CTNNA2: variants seen among roughly 807,000 people sequenced by gnomAD.
CTNNA2 encodes the protein catenin alpha-2.
In CTNNA2, 42 loss-of-function variants were observed where a neutral mutation model predicts 101.0. The observed-to-expected ratio is 0.42, with a 90% CI of 0.32 to 0.54. The LOEUF is 0.54. Ranked by LOEUF, CTNNA2 falls within the 20% of genes least tolerant of loss-of-function variation. The probability of loss-of-function intolerance (pLI) is 0.14; values close to 1 mark genes in which losing one functional copy is unlikely to be tolerated. For missense variants in CTNNA2, 871 were observed against 1,223.1 expected (o/e 0.71, Z 4.29); for synonymous variants, 450 against 456.4 (o/e 0.99, Z 0.18).
intron 12 of CTNNA2, among the ~76,000 whole-genome samples, chr2:80,565,645 A>ACTT: frequency 6.6e-6 from 1 of 151,960 alleles, no homozygotes; most frequent in Non-Finnish European, 1.5e-5. Context: ...TGGTGTGAAG[A>ACTT]CAGCCCCAAG....
At chr2:79,610,124 C>T (rs62140088) in intron 1 of CTNNA2, among the ~76,000 whole-genome samples, 19,636 of 151,962 alleles carry the variant, frequency 0.13, 2,081 homozygotes, top group African/African-American at 0.3. Context: ...TAAATAGCAT[C>T]TATCAAAGAA....
chr2:79,564,115 G>A (rs1244562166), intron 1 of CTNNA2, among the ~76,000 whole-genome samples: 1 of 152,102 alleles, frequency 6.6e-6, no homozygotes, highest in Non-Finnish European at 1.5e-5. Flanking sequence ...TACCAAAATA[G>A]GAATGCAGCT....
At chr2:79,916,305 C>A (rs75940863) in intron 7 of CTNNA2, among the ~76,000 whole-genome samples, 2,437 of 152,210 alleles carry the variant, frequency 0.016, 173 homozygotes, top group Admixed American at 0.12. Flanking sequence ...TAGCTTCATT[C>A]AAGGGGAAGA....
intron 7 of CTNNA2, among the ~76,000 whole-genome samples, chr2:80,214,770 C>T (rs1330937178): frequency 1.3e-5 from 2 of 152,012 alleles, no homozygotes; most frequent in Non-Finnish European, 2.9e-5. Context: ...ATCTTTGTGG[C>T]GTTCTCTGTA....
At chr2:80,376,156 T>C (rs1675931756) in intron 7 of CTNNA2, among the ~76,000 whole-genome samples, 1 of 152,164 alleles carries the variant, frequency 6.6e-6, no homozygotes. Flanking sequence ...TCCCCTCAGT[T>C]TTTTGTTTAG....
chr2:80,632,312 G>A (rs993467542), intron 18 of CTNNA2, among the ~76,000 whole-genome samples: 7 of 151,238 alleles, frequency 4.6e-5, no homozygotes, highest in African/African-American at 1.7e-4. Flanking sequence ...GGAGGACAAT[G>A]CAGTAAATAA....
At chr2:79,432,825 T>C (rs986350740) in intron 4 of CTNNA2, among the ~76,000 whole-genome samples, 1 of 152,256 alleles carries the variant, frequency 6.6e-6, no homozygotes, top group Non-Finnish European at 1.5e-5. Context: ...TTTTTTGTAC[T>C]TTCATCTACT....
intron 2 of CTNNA2, among the ~76,000 whole-genome samples, chr2:79,654,764 A>G (rs1398267324): frequency 2.0e-5 from 3 of 151,926 alleles, no homozygotes; most frequent in African/African-American, 7.3e-5. Flanking sequence ...TTCAGTCATG[A>G]CTCTTGTTAG....
chr2:79,546,349 A>G (rs1673729702), intron 1 of CTNNA2, among the ~76,000 whole-genome samples: 1 of 152,180 alleles, frequency 6.6e-6, no homozygotes, highest in South Asian at 2.1e-4. Flanking sequence ...AACCTAAAAC[A>G]GGTTAGAATT....
At chr2:80,483,368 TTATATA>T (rs10635965) in intron 9 of CTNNA2, among the ~76,000 whole-genome samples, 1 of 146,096 alleles carries the variant, frequency 6.8e-6, no homozygotes. Flanking sequence ...TGTTGTTGTT[TTATATA>T]TATATATATA....
intron 4 of CTNNA2, among the ~76,000 whole-genome samples, chr2:79,451,407 T>C (rs541228343): frequency 6.6e-6 from 1 of 152,134 alleles, no homozygotes; most frequent in Non-Finnish European, 1.5e-5. Context: ...CAATGTGTTA[T>C]GAGCAGTCAT....
intron 1 of CTNNA2, among the ~76,000 whole-genome samples, chr2:79,564,212 T>C (rs1674966965): frequency 1.3e-5 from 2 of 151,908 alleles, no homozygotes; most frequent in Non-Finnish European, 2.9e-5. Context: ...ATTGTTTTTG[T>C]TATATACTTT....
chr2:80,608,892 C>T (rs1330140736), intron 17 of CTNNA2, among the ~76,000 whole-genome samples: 1 of 151,830 alleles, frequency 6.6e-6, no homozygotes, highest in Non-Finnish European at 1.5e-5. Flanking sequence ...TGCTCAATCA[C>T]TGCAGTGTTT....
chr2:80,053,298 A>G (rs1696996244), intron 7 of CTNNA2, among the ~76,000 whole-genome samples: 2 of 152,176 alleles, frequency 1.3e-5, no homozygotes, highest in South Asian at 4.1e-4. Flanking sequence ...GATATGTTCA[A>G]AAAGTGGCCC....
chr2:80,055,053 G>T (rs1373821877), intron 7 of CTNNA2, among the ~76,000 whole-genome samples: 3 of 152,010 alleles, frequency 2.0e-5, no homozygotes, highest in East Asian at 3.9e-4. Flanking sequence ...TCGAGACAAG[G>T]TCTCACTCTG....
At chr2:80,339,842 G>C (rs1279219875) in intron 7 of CTNNA2, among the ~76,000 whole-genome samples, 1 of 152,174 alleles carries the variant, frequency 6.6e-6, no homozygotes, top group African/African-American at 2.4e-5. Flanking sequence ...ATTTGGTTTG[G>C]AGTAGCTCAA....
intron 1 of CTNNA2, among the ~76,000 whole-genome samples, chr2:79,568,617 A>T (rs182659708): frequency 1.3e-5 from 2 of 152,190 alleles, no homozygotes; most frequent in Admixed American, 1.3e-4. Flanking sequence ...AAGTAACGAA[A>T]AGAAAAGGAA....
intron 3 of CTNNA2, among the ~76,000 whole-genome samples, chr2:79,820,311 G>T (rs1677901772): frequency 6.6e-6 from 1 of 151,970 alleles, no homozygotes; most frequent in Non-Finnish European, 1.5e-5. Context: ...ATACGTTTTT[G>T]TTTTTCTTTT....
At chr2:80,217,504 C>G (rs907793683) in intron 7 of CTNNA2, among the ~76,000 whole-genome samples, 1 of 152,080 alleles carries the variant, frequency 6.6e-6, no homozygotes, top group African/African-American at 2.4e-5. Flanking sequence ...AGATCAGACT[C>G]AGGGTCTGAC....
Sources: gnomAD v4.1 joint callset for allele counts (sites outside exome capture counted in the v4.1 genomes callset) on GRCh38, gnomAD v4.1.1 for gene constraint, MANE v1.5 for transcripts, NCBI Gene and HGNC (gene_info 2026-07-23, HGNC 2026-07-21) for gene names.